G3BP1: variants seen among roughly 807,000 people sequenced by gnomAD.
G3BP1 encodes G3BP stress granule assembly factor 1.
Under a neutral mutation model 58.6 loss-of-function variants are expected in G3BP1, and 35 were observed. That is an observed-to-expected ratio of 0.60 (90% CI 0.46 to 0.79). The LOEUF (loss-of-function observed/expected upper bound fraction) is 0.79. G3BP1 is among the 30% of genes least tolerant of loss of function. G3BP1 has a pLI of 0.00. For synonymous variants in G3BP1, 191 were observed against 195.4 expected (o/e 0.98, Z 0.19); for missense variants, 523 against 580.8 (o/e 0.90, Z 1.02).
intron 4 of G3BP1, chr5:151,791,891 A>C (rs1341871292): frequency 8.8e-6 from 3 of 342,796 alleles, no homozygotes; most frequent in Non-Finnish European, 1.7e-5. Context: ...TCCTGACCTC[A>C]AGTGATCTGC....
At position 151,804,112 on chromosome 5, in the gene G3BP1, A is replaced by C; in HGVS notation, c.*21A>C. 1 of 1,535,458 alleles carries C rather than the reference A, an allele frequency of 6.5e-7. No homozygotes were observed. Among genetic ancestry groups the C allele is most frequent in the Non-Finnish European group, 8.9e-7 (1 of 1,124,916 alleles). On this transcript the variant is annotated 3_prime_UTR_variant, in exon 12 of 12. Coordinates refer to ENST00000356245, the MANE Select transcript of G3BP1 (RefSeq NM_005754.3). ...AGTGAATCTTCATGGATCTTCATGC[A>C]GCCATACAAACCCTGGTTCCAACAG...
At chr5:151,791,271 G>T in intron 4 of G3BP1, 1 of 422,900 alleles carries the variant, frequency 2.4e-6, no homozygotes, top group Non-Finnish European at 4.3e-6. Flanking sequence ...AGTTTAGTGG[G>T]CATTTCCTAA....
At position 151,799,083 on chromosome 5, in the gene G3BP1, T is replaced by G. The variant is rs186573816; in HGVS notation, c.742-129T>G. The G allele has an allele frequency of 2.4e-5, 15 of 631,976 alleles. No individual in the cohort carries two copies. In the Admixed American group the frequency reaches 3.7e-4, roughly 16 times the overall value. 39.1% of individuals were successfully genotyped at this position (631,976 alleles called of 1,614,324 possible). A position where few individuals can be genotyped will look rare whatever the true frequency, so the allele number is the denominator to read the frequency against. On this transcript the variant is annotated intron_variant, in intron 7 of 11. Transcript: ENST00000356245. ...GCTGAAAGAGAAGAATCTTAATATA[T>G]ATATATAAACTCCATCCTGCCTATG... is the stretch of plus-strand genomic sequence containing the variant.
At chr5:151,803,605 G>A (rs1220021819) in intron 11 of G3BP1, among the ~76,000 whole-genome samples, 1 of 151,942 alleles carries the variant, frequency 6.6e-6, no homozygotes, top group Non-Finnish European at 1.5e-5. Flanking sequence ...CAATTCTCCT[G>A]CCTCAGCCTC....
Position 151,797,402 on chromosome 5 carries a change from G to T in G3BP1, c.715G>T (p.Ala239Ser). Residue 239 changes from alanine (A) to serine (S), a missense_variant, in exon 7 of 12, where the codon GCT (alanine) becomes TCT (serine). Ala to Ser is a moderately conservative substitution (Grantham distance 99). This residue lies in a region of G3BP1 where 398 missense variants were observed against 399.1 expected (regional missense o/e 1.00). Transcript: ENST00000356245. ...TTCTTCTCCAGCACCTGCAGACATA[G>T]CTCAGACAGTACAGGAAGACTTGAG... ...KSSSPAPADI[A>S]QTVQEDLRTF... The T allele has an allele frequency of 6.2e-7, 1 of 1,612,100 alleles. No individual in the cohort carries two copies.
At chr5:151,774,532 T>C (rs1180782013) in intron 1 of G3BP1, among the ~76,000 whole-genome samples, 1 of 152,082 alleles carries the variant, frequency 6.6e-6, no homozygotes, top group Non-Finnish European at 1.5e-5. Flanking sequence ...TTTTCTTTAT[T>C]TTTGTCAGTC....
At position 151,795,555 on chromosome 5, in the gene G3BP1, C is replaced by T. The variant is rs766070648; in HGVS notation, c.519C>T (p.Phe173=). The T allele has an allele frequency of 1.9e-6, 3 of 1,597,366 alleles. No individual in the cohort carries two copies. The highest frequency in any genetic ancestry group is 2.6e-6 in the Non-Finnish European group (3 of 1,165,350). Residue 173 remains phenylalanine, a synonymous_variant, in exon 6 of 12, where the codon TTC becomes TTT. Transcript: ENST00000356245. ...TGGTACCTGATGATTCTGGAACTTT[C>T]TATGATCAGGCAGTTGTCAGGTAAG... ...PEVVPDDSGT[F]YDQAVVSNDM...
At chr5:151,799,522 C>T (rs1404350857) in intron 8 of G3BP1, among the ~76,000 whole-genome samples, 2 of 151,980 alleles carry the variant, frequency 1.3e-5, no homozygotes, top group East Asian at 3.9e-4. Flanking sequence ...CCTGTCTCTA[C>T]AAAAAATAAG....
chr5:151,782,800 G>A (rs1411511601), intron 1 of G3BP1, among the ~76,000 whole-genome samples: 1 of 146,862 alleles, frequency 6.8e-6, no homozygotes, highest in Non-Finnish European at 1.5e-5. Context: ...TAAAATATCT[G>A]TCACAGTGGA....
chr5:151,800,403 G>A (rs995099815), intron 10 of G3BP1, 57 bp downstream of exon 10: 10 of 1,304,676 alleles, frequency 7.7e-6, no homozygotes, highest in Non-Finnish European at 1.1e-5. Context: ...GCACTGTCCA[G>A]TAGCAATAGA....
At chr5:151,778,347 A>G (rs1034219039) in intron 1 of G3BP1, among the ~76,000 whole-genome samples, 2 of 152,180 alleles carry the variant, frequency 1.3e-5, no homozygotes, top group African/African-American at 2.4e-5. Flanking sequence ...TGTAATTGCT[A>G]GTGATCAGCA....
chr5:151,798,023 A>G (rs915382890), intron 7 of G3BP1, among the ~76,000 whole-genome samples: 4 of 152,210 alleles, frequency 2.6e-5, no homozygotes, highest in African/African-American at 9.6e-5. Flanking sequence ...CTGTGTTTAT[A>G]GGCTCAGGGT....
rs180891970 is a variant in G3BP1, at chr5:151,801,815, T to A, written c.1194+946T>A. ...GGGCATACTGCAAAGTTTTTTATTT[T>A]TTTATTTTTTTTTTTTTGAGACAGT... On this transcript the variant is annotated intron_variant, in intron 11 of 11. Coordinates refer to ENST00000356245, the MANE Select transcript of G3BP1 (RefSeq NM_005754.3). Among the ~76,000 whole-genome samples the A allele has an allele frequency of 6.7e-3, 1,025 of 151,916 alleles. 10 individuals are homozygous for A. The highest frequency in any genetic ancestry group is 0.031 in the Middle Eastern group (9 of 294).
At chr5:151,788,547 C>T (rs1409362429) in intron 2 of G3BP1, among the ~76,000 whole-genome samples, 1 of 149,466 alleles carries the variant, frequency 6.7e-6, no homozygotes, top group Non-Finnish European at 1.5e-5. Flanking sequence ...TACAGGCATG[C>T]ACTACCATGC....
At chr5:151,791,983 AAG>A (rs370783219) in intron 4 of G3BP1, 27 of 407,290 alleles carry the variant, frequency 6.6e-5, no homozygotes, top group African/African-American at 5.1e-4. Flanking sequence ...TTTGTAAATG[AAG>A]GATGGGAGAT....
chr5:151,800,450 G>A, intron 10 of G3BP1, 104 bp downstream of exon 10: 1 of 758,180 alleles, frequency 1.3e-6, no homozygotes, highest in Non-Finnish European at 2.0e-6. Context: ...TTTTCTAGTA[G>A]TCATGGTTAA....
At chr5:151,782,060 T>C (rs981601820) in intron 1 of G3BP1, among the ~76,000 whole-genome samples, 1 of 152,148 alleles carries the variant, frequency 6.6e-6, no homozygotes, top group Non-Finnish European at 1.5e-5. Context: ...AAAATATCCA[T>C]CCAGGTGACA....
At chr5:151,780,549 C>T (rs148769437) in intron 1 of G3BP1, among the ~76,000 whole-genome samples, 5 of 152,220 alleles carry the variant, frequency 3.3e-5, no homozygotes, top group South Asian at 4.1e-4. Flanking sequence ...CTTGCTCATT[C>T]GCCTAGGCTG....
intron 1 of G3BP1, 131 bp from the exon 2 acceptor site, chr5:151,786,441 A>G (rs185499154): frequency 4.9e-5 from 28 of 567,914 alleles, no homozygotes; most frequent in African/African-American, 2.4e-4. Context: ...TAAAATCTCA[A>G]CTGGTCTGTA....
Sources: allele counts gnomAD v4.1 joint callset (sites outside exome capture counted in the v4.1 genomes callset), GRCh38; gene constraint gnomAD v4.1.1; regional missense constraint gnomAD v4.1.1; transcripts MANE v1.5; gene names NCBI Gene and HGNC (gene_info 2026-07-23, HGNC 2026-07-21).